The following IMMP2L variants were observed in gnomAD, a reference collection of about 807,000 sequenced individuals.
IMMP2L encodes the protein mitochondrial inner membrane protease subunit 2.
A neutral mutation model predicts 19.3 loss-of-function variants in IMMP2L; 18 were observed. The observed-to-expected ratio is 0.93, with a 90% CI of 0.64 to 1.38. The LOEUF (loss-of-function observed/expected upper bound fraction) is 1.38. IMMP2L is among the 40% of genes most tolerant of loss of function. The probability of loss-of-function intolerance (pLI) is 0.00; values close to 1 mark genes in which losing one functional copy is unlikely to be tolerated. For missense variants in IMMP2L, 233 were observed against 218.2 expected (o/e 1.07, Z -0.43); for synonymous variants, 76 against 73.0 (o/e 1.04, Z -0.21).
chr7:111,559,968 AAAAG>A (rs1791833183), intron 1 of IMMP2L, among the ~76,000 whole-genome samples: 1 of 152,040 alleles, frequency 6.6e-6, no homozygotes, highest in African/African-American at 2.4e-5. Flanking sequence ...AAGAAGGAGA[AAAAG>A]AAAGAAATTT....
intron 3 of IMMP2L, among the ~76,000 whole-genome samples, chr7:111,299,124 G>A (rs1821940270): frequency 6.6e-6 from 1 of 152,032 alleles, no homozygotes; most frequent in Admixed American, 6.6e-5. Flanking sequence ...TGAGACTTAA[G>A]AAAAAGAGAC....
intron 3 of IMMP2L, among the ~76,000 whole-genome samples, chr7:111,059,835 C>G (rs1793853530): frequency 6.6e-6 from 1 of 151,556 alleles, no homozygotes; most frequent in African/African-American, 2.4e-5. Context: ...TAAGAAGGTA[C>G]TGCCTTTTCA....
At position 111,430,734 on chromosome 7, in the gene IMMP2L, AAGAACCTATACCAGTTCATGAATATT is replaced by A. The variant is rs1268273760; in HGVS notation, c.239+56478_239+56503del. Among the ~76,000 whole-genome samples the A allele has an allele frequency of 5.7e-4, 86 of 151,948 alleles. 4 individuals carry two copies. The highest frequency in any genetic ancestry group is 1.9e-3 in the African/African-American group (80 of 41,272). ...GTCTTGGATGCTGGGTGCACAAAATAAGAACCTATACCAGTTCATGAATATTTTTATTGTTTTCTCTTTTACCCAGG... is the reference window on the plus strand; with the variant it reads ...GTCTTGGATGCTGGGTGCACAAAATATTTATTGTTTTCTCTTTTACCCAGG... On this transcript the variant is annotated intron_variant, in intron 3 of 5. Transcript: ENST00000405709.
At chr7:111,037,464 G>A (rs1191426599) in intron 3 of IMMP2L, among the ~76,000 whole-genome samples, 1 of 152,062 alleles carries the variant, frequency 6.6e-6, no homozygotes, top group African/African-American at 2.4e-5. Flanking sequence ...CACTTCAGAT[G>A]CATTAGTAGG....
chr7:110,699,003 A>G (rs1794075368), intron 5 of IMMP2L, among the ~76,000 whole-genome samples: 1 of 152,168 alleles, frequency 6.6e-6, no homozygotes, highest in African/African-American at 2.4e-5. Context: ...CTGTCAGCGG[A>G]GTGTCAAACA....
intron 3 of IMMP2L, among the ~76,000 whole-genome samples, chr7:111,072,671 G>A (rs1395923537): frequency 1.3e-5 from 2 of 152,054 alleles, no homozygotes; most frequent in East Asian, 1.9e-4. Context: ...CGAGGCAGGC[G>A]GATCACGAGG....
chr7:111,021,038 AAAT>A (rs1169610050), intron 3 of IMMP2L, among the ~76,000 whole-genome samples: 12 of 152,222 alleles, frequency 7.9e-5, no homozygotes, highest in Admixed American at 2.0e-4. Flanking sequence ...ATTTGCCAAA[AAAT>A]AATGTGTAGT....
chr7:111,218,013 T>C (rs1812137723), intron 3 of IMMP2L, among the ~76,000 whole-genome samples: 1 of 152,066 alleles, frequency 6.6e-6, no homozygotes, highest in Admixed American at 6.6e-5. Context: ...GAAAATGCTA[T>C]TGCCTTTTTG....
At chr7:111,337,175 A>G (rs1181528236) in intron 3 of IMMP2L, among the ~76,000 whole-genome samples, 1 of 152,122 alleles carries the variant, frequency 6.6e-6, no homozygotes, top group Non-Finnish European at 1.5e-5. Context: ...CACAGCTGTC[A>G]GCTAAATGAA....
chr7:111,031,617 G>A (rs557260786), intron 3 of IMMP2L, among the ~76,000 whole-genome samples: 1 of 152,040 alleles, frequency 6.6e-6, no homozygotes, highest in East Asian at 1.9e-4. Context: ...AGATAAAGAG[G>A]CAAGTATATC....
intron 1 of IMMP2L, among the ~76,000 whole-genome samples, chr7:111,555,628 A>G (rs778167872): frequency 6.6e-6 from 1 of 152,100 alleles, no homozygotes; most frequent in Admixed American, 6.5e-5. Context: ...TTAAGATTCC[A>G]CATGTGAGAT....
intron 3 of IMMP2L, among the ~76,000 whole-genome samples, chr7:110,972,719 G>C (rs1307159948): frequency 6.6e-6 from 1 of 152,192 alleles, no homozygotes; most frequent in South Asian, 2.1e-4. Flanking sequence ...GGTAAACCAA[G>C]CCAGAGAGGT....
chr7:111,493,497 T>C (rs1050352332), intron 2 of IMMP2L, among the ~76,000 whole-genome samples: 1 of 150,822 alleles, frequency 6.6e-6, no homozygotes, highest in East Asian at 2.0e-4. Flanking sequence ...GGTCAGGAGA[T>C]CGAGACCATC....
intron 3 of IMMP2L, among the ~76,000 whole-genome samples, chr7:111,027,475 G>A (rs1402473193): frequency 1.3e-5 from 2 of 151,908 alleles, no homozygotes; most frequent in African/African-American, 4.8e-5. Context: ...ATGTGGTTGC[G>A]GGAAGGAGGC....
chr7:111,454,583 A>C (rs988883719), intron 3 of IMMP2L, among the ~76,000 whole-genome samples: 4 of 152,058 alleles, frequency 2.6e-5, no homozygotes, highest in Admixed American at 2.6e-4. Context: ...ATTTCAAAAA[A>C]AATTACTAAA....
At chr7:111,055,923 G>T (rs1277600585) in intron 3 of IMMP2L, among the ~76,000 whole-genome samples, 3 of 152,118 alleles carry the variant, frequency 2.0e-5, no homozygotes, top group Admixed American at 6.6e-5. Flanking sequence ...TGTATGTGTG[G>T]CAATGACATA....
intron 5 of IMMP2L, among the ~76,000 whole-genome samples, chr7:110,667,128 C>T (rs963834190): frequency 1.3e-5 from 2 of 152,156 alleles, no homozygotes; most frequent in Non-Finnish European, 2.9e-5. Context: ...CCTTGGCCTC[C>T]CAAAGTGCTG....
rs541950672 is a variant in IMMP2L at position 111,555,937 on chromosome 7, G to C, written c.-3+5914C>G. Among the ~76,000 whole-genome samples, 56 of 148,568 alleles carry C rather than the reference G, an allele frequency of 3.8e-4. 1 individual carries two copies. In the South Asian group the frequency reaches 0.012, roughly 31 times the overall value. On this transcript the variant is annotated intron_variant, in intron 1 of 5. Coordinates refer to ENST00000405709, the MANE Select transcript of IMMP2L (RefSeq NM_032549.4). ...TGGTACAACCATTATGGAAAAAGTA[G>C]GGAGGTTCCTAAAGAAATTAAAAAT...
chr7:111,332,903 T>G (rs1013932209), intron 3 of IMMP2L, among the ~76,000 whole-genome samples: 1 of 152,090 alleles, frequency 6.6e-6, no homozygotes, highest in Admixed American at 6.6e-5. Flanking sequence ...GTCAACTTGA[T>G]TGGATTAAAT....
Sources: allele counts gnomAD v4.1 joint callset (sites outside exome capture counted in the v4.1 genomes callset), GRCh38; gene constraint gnomAD v4.1.1; transcripts MANE v1.5; gene names NCBI Gene and HGNC (gene_info 2026-07-23, HGNC 2026-07-21).